Variants in SLC15A2 observed in about 807,000 individuals in gnomAD.
SLC15A2 encodes kidney H(+)/peptide cotransporter.
A neutral mutation model predicts 95.5 loss-of-function variants in SLC15A2; 77 were observed. That is an observed-to-expected ratio of 0.81 (90% confidence interval 0.67 to 0.97). The LOEUF (loss-of-function observed/expected upper bound fraction) is 0.97. SLC15A2 is among the 50% of genes least tolerant of loss of function. The pLI is 0.00. For missense variants in SLC15A2, 893 were observed against 874.4 expected (o/e 1.02, Z -0.27); for synonymous variants, 306 against 306.9 (o/e 1.00, Z 0.03).
intron 13 of SLC15A2, among the ~76,000 whole-genome samples, chr3:121,927,482 A>G (rs1710143896): frequency 6.6e-6 from 1 of 152,196 alleles, no homozygotes; most frequent in African/African-American, 2.4e-5. Context: ...TGCTTTCACC[A>G]TGTGACATGC....
intron 19 of SLC15A2, among the ~76,000 whole-genome samples, chr3:121,934,343 T>C (rs1710295262): frequency 6.6e-6 from 1 of 152,142 alleles, no homozygotes; most frequent in African/African-American, 2.4e-5. Flanking sequence ...AATCTATAAA[T>C]TACCTTGGGC....
intron 21 of SLC15A2, 133 bp from the exon 22 acceptor site, chr3:121,940,698 C>A (rs551133016): frequency 1.0e-6 from 1 of 976,904 alleles, no homozygotes; most frequent in East Asian, 2.5e-5. Context: ...GGCCAGTGAA[C>A]CCAGTCTTTG....
chr3:121,938,631 G>A (rs1300151308), intron 19 of SLC15A2, among the ~76,000 whole-genome samples: 1 of 152,136 alleles, frequency 6.6e-6, no homozygotes, highest in African/African-American at 2.4e-5. Flanking sequence ...GCTCGCACAC[G>A]GTGTGCTGCA....
intron 3 of SLC15A2, among the ~76,000 whole-genome samples, chr3:121,907,954 T>C (rs1709688380): frequency 6.6e-6 from 1 of 152,252 alleles, no homozygotes; most frequent in African/African-American, 2.4e-5. Context: ...TTCTGCTGCC[T>C]TTTGTTCCGC....
intron 19 of SLC15A2, among the ~76,000 whole-genome samples, chr3:121,932,645 T>C (rs574145138): frequency 5.2e-4 from 79 of 152,260 alleles, no homozygotes; most frequent in African/African-American, 1.8e-3. Context: ...GACTAAAAGA[T>C]AGTGAATAAA....
intron 3 of SLC15A2, among the ~76,000 whole-genome samples, chr3:121,903,182 C>T (rs2107572432): frequency 6.6e-6 from 1 of 152,270 alleles, no homozygotes; most frequent in South Asian, 2.1e-4. Flanking sequence ...ATATCCTTTG[C>T]CCACTTTTTG....
chr3:121,937,657 T>TA (rs1710374387), intron 19 of SLC15A2, among the ~76,000 whole-genome samples: 1 of 152,200 alleles, frequency 6.6e-6, no homozygotes, highest in Non-Finnish European at 1.5e-5. Context: ...ATTTTAGTTA[T>TA]ACATTCCTCT....
chr3:121,931,536 C>G lies in SLC15A2; in HGVS notation c.1665-103C>G, dbSNP rs981449493. On this transcript the variant is annotated intron_variant, in intron 18 of 21. Coordinates refer to ENST00000489711, the MANE Select transcript of SLC15A2 (RefSeq NM_021082.4). ...TCAAAGATAATTAGTGGCTTCACTG[C>G]TTTCCTCACCATCAGTAGAGAGATG... 6.1e-6 allele frequency: 4 copies of G among 658,960 alleles called. No individual in the cohort carries two copies. In the African/African-American group the frequency reaches 7.2e-5, roughly 12 times the overall value. The allele number at this position is 658,960 out of a possible 1,614,324, so 40.8% of individuals were successfully genotyped here. A position where few individuals can be genotyped will look rare whatever the true frequency, so the allele number is the denominator to read the frequency against.
intron 2 of SLC15A2, among the ~76,000 whole-genome samples, chr3:121,896,749 C>T (rs1169777651): frequency 1.3e-5 from 2 of 151,802 alleles, no homozygotes. Flanking sequence ...TGGAGCTGGG[C>T]ATGATGGCAT....
intron 11 of SLC15A2, 127 bp from the exon 12 acceptor site, chr3:121,924,224 C>A (rs1006934917): frequency 6.5e-5 from 50 of 771,012 alleles, no homozygotes; most frequent in Non-Finnish European, 1.0e-4. Context: ...TGGCCCTGAA[C>A]CAAAGACCTG....
chr3:121,913,237 A>G, intron 5 of SLC15A2, 117 bp downstream of exon 5: 1 of 721,448 alleles, frequency 1.4e-6, no homozygotes, highest in Non-Finnish European at 2.4e-6. Flanking sequence ...TTATCTGAGC[A>G]GTTGTATTCA....
In SLC15A2 at chr3:121,942,165, T is replaced by A. The variant is rs1055103497; in HGVS notation, c.*1158T>A. 6.6e-6 allele frequency: 1 copy of A among 152,184 alleles called. No homozygotes were observed. Among genetic ancestry groups the A allele is most frequent in the Non-Finnish European group, 1.5e-5 (1 of 68,032 alleles). The allele number at this position is 152,184 out of a possible 1,614,324, so 9.4% of individuals were successfully genotyped here. ...AAATGGAAATGTCAATAGAGGAGCATGGTCCTATGTGAGGTTCCTATCAAA... is the reference window on the plus strand; with the variant it reads ...AAATGGAAATGTCAATAGAGGAGCAAGGTCCTATGTGAGGTTCCTATCAAA... On this transcript the variant is annotated 3_prime_UTR_variant, in exon 22 of 22. Transcript: ENST00000489711.
chr3:121,912,675 T>C (rs530004102), intron 4 of SLC15A2, among the ~76,000 whole-genome samples: 28 of 152,316 alleles, frequency 1.8e-4, no homozygotes, highest in East Asian at 1.2e-3. Context: ...GGTCTTTCCA[T>C]TGAAGTACTC....
At chr3:121,932,481 A>G (rs1445358406) in intron 19 of SLC15A2, among the ~76,000 whole-genome samples, 8 of 152,204 alleles carry the variant, frequency 5.3e-5, no homozygotes, top group Non-Finnish European at 1.2e-4. Flanking sequence ...GAAACTGATA[A>G]TAATGTCAAT....
At chr3:121,932,269 C>T (rs143116633) in intron 19 of SLC15A2, among the ~76,000 whole-genome samples, 3 of 152,268 alleles carry the variant, frequency 2.0e-5, no homozygotes, top group Non-Finnish European at 4.4e-5. Context: ...CAACAACAAG[C>T]AAAGGGTCTT....
At chr3:121,906,325 A>G (rs1227631827) in intron 3 of SLC15A2, among the ~76,000 whole-genome samples, 4 of 152,048 alleles carry the variant, frequency 2.6e-5, no homozygotes, top group Non-Finnish European at 4.4e-5. Flanking sequence ...TTGCCACTCT[A>G]TGTCTTTTAA....
At position 121,939,349 on chromosome 3, in the gene SLC15A2, A is replaced by G; in HGVS notation, c.1762A>G (p.Asn588Asp). 2 of 1,514,694 alleles carry G rather than the reference A, an allele frequency of 1.3e-6. No homozygotes were observed. The highest frequency in any genetic ancestry group is 1.8e-6 in the Non-Finnish European group (2 of 1,132,818). The allele number at this position is 1,514,694 out of a possible 1,614,324, so 93.8% of individuals were successfully genotyped here. The change falls in exon 20 of 22, where the codon AAC becomes GAC. Residue 588 changes from asparagine to aspartate, a missense_variant and splice_region_variant. Physicochemically the swap from Asn to Asp is conservative, Grantham distance 23 (BLOSUM62 1). Coordinates refer to ENST00000489711, the MANE Select transcript of SLC15A2 (RefSeq NM_021082.4). ...CATTTCCATTTTCTCTTTCCCTAAG[A>G]ACACCAATCAGGGTCTTCAGGCCTG... The part of the protein sequence containing the change: ...GAAYLFVITN[N>D]TNQGLQAWKI...
At position 121,929,128 on chromosome 3, in the gene SLC15A2, C is replaced by T. The variant is rs758353428; in HGVS notation, c.1488C>T (p.Asn496=). The T allele has an allele frequency of 3.1e-5, 50 of 1,612,800 alleles. No individual in the cohort carries two copies. The highest frequency in any genetic ancestry group is 4.2e-5 in the Non-Finnish European group (50 of 1,179,220). ...GTCTTGTCATTCGTGAAGATGGGAACAGTATCTCCAGCATGATGGTAATTT... is the reference window on the plus strand; with the variant it reads ...GTCTTGTCATTCGTGAAGATGGGAATAGTATCTCCAGCATGATGGTAATTT... ...WYSLVIREDG[N]SISSMMVKDT... The change falls in exon 16 of 22, where the codon AAC becomes AAT. Residue 496 remains asparagine, a synonymous_variant. Transcript: ENST00000489711.
In SLC15A2 at chr3:121,907,177, C is replaced by T. The variant is rs375319350; in HGVS notation, c.336-4397C>T. On this transcript the variant is annotated intron_variant, in intron 3 of 21. Transcript: ENST00000489711. ...GCTTGTGCATGCATCACATAGTTCT[C>T]GTGCCATGGTTTTCAGCTCCATCAG... Among the ~76,000 whole-genome samples the T allele has an allele frequency of 1.2e-4, 18 of 151,764 alleles. 1 individual carries two copies. Among genetic ancestry groups the T allele is most frequent in the East Asian group, 5.8e-4 (3 of 5,140 alleles).
Sources: gnomAD v4.1 joint callset for allele counts (sites outside exome capture counted in the v4.1 genomes callset) on GRCh38, gnomAD v4.1.1 for gene constraint, MANE v1.5 for transcripts, NCBI Gene and HGNC (gene_info 2026-07-23, HGNC 2026-07-21) for gene names.